The following CRHR1 variants were observed in gnomAD, a reference collection of about 807,000 sequenced individuals.
CRHR1 encodes corticotropin-releasing hormone receptor 1.
Under a neutral mutation model 56.0 loss-of-function variants are expected in CRHR1, and 28 were observed. The ratio of observed to expected loss-of-function variants is 0.50; its 90% CI spans 0.37 to 0.69. CRHR1 has a LOEUF of 0.69. CRHR1 is among the 30% of genes least tolerant of loss of function. The pLI, the probability that CRHR1 is intolerant of heterozygous loss-of-function variation, is 0.00. For missense variants in CRHR1, 376 were observed against 548.0 expected (o/e 0.69, Z 3.13); for synonymous variants, 195 against 216.5 (o/e 0.90, Z 0.87).
At chr17:45,828,260 A>C (rs990579324) in intron 4 of CRHR1, among the ~76,000 whole-genome samples, 1 of 152,106 alleles carries the variant, frequency 6.6e-6, no homozygotes, top group Non-Finnish European at 1.5e-5. Context: ...TGGGCTGGGG[A>C]CCTGTTTGCA....
chr17:45,784,405 G>A lies in CRHR1; in HGVS notation c.-140G>A, dbSNP rs1159994613. The A allele has an allele frequency of 3.3e-6, 2 of 606,258 alleles. No homozygotes were observed. Among genetic ancestry groups the A allele is most frequent in the East Asian group, 3.7e-5 (1 of 26,794 alleles). 37.6% of individuals were successfully genotyped at this position (606,258 alleles called of 1,614,324 possible). On this transcript the variant is annotated 5_prime_UTR_variant, in exon 1 of 13. Transcript: ENST00000314537. This position sits in a 1 kb window ranked among gnomAD's most constrained non-coding sequence, Gnocchi z 4.2. Reference sequence around the variant, plus strand: ...GGGCCGCGGGGCCGGGAAGCGCCGAGCCGGGCATCTCCTCACCAGGCAGCG... The same window carrying A: ...GGGCCGCGGGGCCGGGAAGCGCCGAACCGGGCATCTCCTCACCAGGCAGCG...
chr17:45,833,049 A>C, intron 8 of CRHR1, 89 bp from the exon 9 acceptor site: 4 of 1,179,592 alleles, frequency 3.4e-6, no homozygotes, highest in Non-Finnish European at 5.1e-6. Flanking sequence ...CTCCAGCCCC[A>C]GTCCTGTCCT....
intron 8 of CRHR1, 52 bp downstream of exon 8, chr17:45,830,992 G>A (rs1353146250): frequency 1.3e-6 from 2 of 1,570,550 alleles, no homozygotes; most frequent in African/African-American, 2.7e-5. Flanking sequence ...TCCCAGCCCA[G>A]CTTGGTGACA....
In CRHR1 at chr17:45,784,526, T is replaced by A; in HGVS notation, c.-19T>A. The A allele has an allele frequency of 6.5e-7, 1 of 1,545,746 alleles. No homozygotes were observed. Among genetic ancestry groups the A allele is most frequent in the Non-Finnish European group, 8.7e-7 (1 of 1,145,732 alleles). On this transcript the variant is annotated 5_prime_UTR_variant, in exon 1 of 13. An upstream open reading frame in the 5' UTR loses its in-frame stop. Coordinates refer to ENST00000314537, the MANE Select transcript of CRHR1 (RefSeq NM_004382.5). This position sits in a 1 kb window ranked among gnomAD's most constrained non-coding sequence, Gnocchi z 4.2. ...CGTAGGACCCGGGCATTCAGGACGG[T>A]AGCCGAGCGAGCCCGAGGATGGGAG...
At chr17:45,802,674 G>T (rs1163922525) in intron 1 of CRHR1, among the ~76,000 whole-genome samples, 1 of 152,160 alleles carries the variant, frequency 6.6e-6, no homozygotes, top group Non-Finnish European at 1.5e-5. Context: ...ATTTTTCTTT[G>T]CATAACGCAA....
At chr17:45,834,357 G>T (rs2062388893) in intron 12 of CRHR1, among the ~76,000 whole-genome samples, 2 of 152,240 alleles carry the variant, frequency 1.3e-5, no homozygotes, top group Admixed American at 1.3e-4. Flanking sequence ...TGGGTTGAGG[G>T]CAGGGAGCCT....
Position 45,833,755 on chromosome 17 carries a change from G to A in CRHR1, c.971G>A (p.Gly324Asp). The A allele has an allele frequency of 1.2e-6, 2 of 1,612,048 alleles. No homozygotes were observed. Among genetic ancestry groups the A allele is most frequent in the Non-Finnish European group, 1.7e-6 (2 of 1,179,374 alleles). The change falls in exon 11 of 13, where the codon GGC becomes GAC. Residue 324 changes from glycine to aspartate, a missense_variant. Gly to Asp is a moderately conservative substitution (Grantham distance 94). Around this residue, in one of 2 missense-constraint regions of CRHR1, gnomAD observed 369 missense variants for 519.5 expected, o/e 0.71. Transcript: ENST00000314537. ...KATLVLLPLL[G>D]ITYMLFFVNP... ...ACTCTGGTGCTGCTGCCCCTCCTGG[G>A]CATCACCTACATGCTGTTCTTCGTC...
intron 4 of CRHR1, among the ~76,000 whole-genome samples, chr17:45,823,054 G>A (rs1402204273): frequency 2.0e-5 from 3 of 150,448 alleles, no homozygotes; most frequent in African/African-American, 7.4e-5. Flanking sequence ...TGAGGCAGGA[G>A]AATCACTTGA....
In CRHR1 at chr17:45,788,442, C is replaced by T. The variant is rs187069046; in HGVS notation, c.33+3865C>T. 3.0e-3 allele frequency among the ~76,000 whole-genome samples: 456 copies of T among 152,308 alleles called. 4 individuals carry two copies. The highest frequency in any genetic ancestry group is 0.01 in the African/African-American group (428 of 41,564). On this transcript the variant is annotated intron_variant, in intron 1 of 12. Transcript: ENST00000314537. Reference sequence around the variant, plus strand: ...CTCACATAGAAAGAGGGGGGTGCCACGAACTGGATTCCCAGCACTCCCCCT... The same window carrying T: ...CTCACATAGAAAGAGGGGGGTGCCATGAACTGGATTCCCAGCACTCCCCCT...
chr17:45,818,956 C>T (rs2061982846), intron 3 of CRHR1, among the ~76,000 whole-genome samples: 1 of 152,122 alleles, frequency 6.6e-6, no homozygotes, highest in African/African-American at 2.4e-5. Context: ...GCTTGTTGGG[C>T]CTGCTTTCTT....
chr17:45,796,012 T>A (rs947357679), intron 1 of CRHR1, among the ~76,000 whole-genome samples: 4 of 152,204 alleles, frequency 2.6e-5, no homozygotes, highest in Non-Finnish European at 5.9e-5. Context: ...GAACCTAATT[T>A]TCAGCCACCA....
chr17:45,832,058 TA>T (rs369727689), intron 8 of CRHR1, among the ~76,000 whole-genome samples: 6 of 124,512 alleles, frequency 4.8e-5, no homozygotes, highest in South Asian at 4.7e-4. Context: ...CCGTATCTAC[TA>T]AAAAAAAAAC....
chr17:45,813,952 C>G (rs1319357295), intron 2 of CRHR1, among the ~76,000 whole-genome samples: 1 of 152,228 alleles, frequency 6.6e-6, no homozygotes, highest in Non-Finnish European at 1.5e-5. Context: ...CAGCAGTGGC[C>G]GGTGCAGGTC....
intron 10 of CRHR1, 21 bp from the exon 11 acceptor site, chr17:45,833,693 T>TGGGGGGGGCCC: frequency 5.1e-6 from 8 of 1,571,598 alleles, no homozygotes; most frequent in Non-Finnish European, 7.0e-6. Flanking sequence ...ACTCCGAGCC[T>TGGGGGGGGCCC]CCCCACCCGC....
chr17:45,812,822 G>A (rs974996815), intron 2 of CRHR1, among the ~76,000 whole-genome samples: 6 of 151,804 alleles, frequency 4.0e-5, no homozygotes, highest in African/African-American at 1.2e-4. Flanking sequence ...CTCCCTCTCC[G>A]CCTGTTTTCT....
chr17:45,799,522 A>G (rs1314238874), intron 1 of CRHR1: 1 of 152,250 alleles, frequency 6.6e-6, no homozygotes, highest in Non-Finnish European at 1.5e-5. Flanking sequence ...AACACAGTGC[A>G]AAGCAAAGCA....
chr17:45,808,614 T>C (rs2061762831), intron 2 of CRHR1, among the ~76,000 whole-genome samples: 2 of 152,202 alleles, frequency 1.3e-5, no homozygotes, highest in African/African-American at 4.8e-5. Flanking sequence ...TAGAGTGTCA[T>C]GCCAGTACTA....
intron 1 of CRHR1, among the ~76,000 whole-genome samples, chr17:45,787,032 T>C (rs191322512): frequency 1.5e-4 from 23 of 152,206 alleles, no homozygotes; most frequent in African/African-American, 5.1e-4. Context: ...AGAGTACAAA[T>C]CTAGGGGATT....
chr17:45,809,064 G>A (rs2061770680), intron 2 of CRHR1, among the ~76,000 whole-genome samples: 1 of 152,202 alleles, frequency 6.6e-6, no homozygotes. Context: ...CCTGAAGGAG[G>A]AATTTTCAAG....
Sources: allele counts gnomAD v4.1 joint callset (sites outside exome capture counted in the v4.1 genomes callset), GRCh38; gene constraint gnomAD v4.1.1; regional missense constraint gnomAD v4.1.1; non-coding constraint Gnocchi (gnomAD v3.1); transcripts MANE v1.5; gene names NCBI Gene and HGNC (gene_info 2026-07-23, HGNC 2026-07-21).